CADPS2: variants seen among roughly 807,000 people sequenced by gnomAD.
The protein encoded by CADPS2 is calcium-dependent secretion activator 2.
In CADPS2, 93 loss-of-function variants were observed where a neutral mutation model predicts 172.5. The observed-to-expected ratio is 0.54, with a 90% CI of 0.46 to 0.64. The LOEUF (loss-of-function observed/expected upper bound fraction) is 0.64. Ranked by LOEUF, CADPS2 falls within the 30% of genes least tolerant of loss-of-function variation. The pLI, the probability that CADPS2 is intolerant of heterozygous loss-of-function variation, is 0.00. For missense variants in CADPS2, 1,420 were observed against 1,565.9 expected (o/e 0.91, Z 1.57); for synonymous variants, 546 against 555.2 (o/e 0.98, Z 0.23).
At chr7:122,328,486 G>A (rs1440083121) in intron 28 of CADPS2, 1 of 152,194 alleles carries the variant, frequency 6.6e-6, no homozygotes, top group Non-Finnish European at 1.5e-5. Flanking sequence ...GAAAAGGAAG[G>A]GGTGCCGCAG....
intron 15 of CADPS2, among the ~76,000 whole-genome samples, chr7:122,447,031 C>CTTTT (rs71530096): frequency 7.7e-5 from 6 of 78,348 alleles, no homozygotes; most frequent in Admixed American, 1.7e-4. Flanking sequence ...GTAGCTCCCT[C>CTTTT]TTTTTTTTTT....
intron 17 of CADPS2, among the ~76,000 whole-genome samples, chr7:122,418,845 A>T (rs1241583115): frequency 1.3e-5 from 2 of 152,198 alleles, no homozygotes; most frequent in South Asian, 2.1e-4. Context: ...ATTGCCACAT[A>T]AGTGTGATTT....
chr7:122,803,984 A>C (rs1396010049), intron 1 of CADPS2, among the ~76,000 whole-genome samples: 1 of 146,236 alleles, frequency 6.8e-6, no homozygotes, highest in Non-Finnish European at 1.5e-5. Flanking sequence ...GAAAAAAAAA[A>C]AAAAAAAAAA....
chr7:122,612,229 T>A (rs1587829568), intron 6 of CADPS2, among the ~76,000 whole-genome samples: 1 of 152,036 alleles, frequency 6.6e-6, no homozygotes, highest in Non-Finnish European at 1.5e-5. Context: ...ATAATGGAAA[T>A]CTAAATTAGA....
chr7:122,623,792 C>T (rs2075823147), intron 4 of CADPS2, among the ~76,000 whole-genome samples: 1 of 152,082 alleles, frequency 6.6e-6, no homozygotes, highest in Non-Finnish European at 1.5e-5. Flanking sequence ...AATTCTACCC[C>T]TAAAAAAGTA....
chr7:122,520,547 AAT>A (rs1303630458), intron 8 of CADPS2, among the ~76,000 whole-genome samples: 1 of 152,052 alleles, frequency 6.6e-6, no homozygotes, highest in Admixed American at 6.6e-5. Flanking sequence ...TTCATATCAC[AAT>A]ATGTTTGAAC....
intron 6 of CADPS2, among the ~76,000 whole-genome samples, chr7:122,591,435 T>C (rs55913030): frequency 0.36 from 53,997 of 151,768 alleles, 9,995 homozygotes; most frequent in Middle Eastern, 0.43. Flanking sequence ...AGATTCAATG[T>C]CATCCCCATC....
At chr7:122,528,493 T>C (rs984734030) in intron 8 of CADPS2, among the ~76,000 whole-genome samples, 7 of 152,162 alleles carry the variant, frequency 4.6e-5, no homozygotes, top group Non-Finnish European at 7.4e-5. Context: ...ATTATAACGT[T>C]CAGCTTCTCT....
intron 28 of CADPS2, among the ~76,000 whole-genome samples, chr7:122,343,963 A>T (rs1417755629): frequency 6.6e-6 from 1 of 152,144 alleles, no homozygotes; most frequent in Admixed American, 6.5e-5. Context: ...TTAGAAAATC[A>T]TTTTTTTCAC....
intron 20 of CADPS2, among the ~76,000 whole-genome samples, chr7:122,393,969 T>C (rs1258893779): frequency 6.6e-6 from 1 of 152,202 alleles, no homozygotes; most frequent in South Asian, 2.1e-4. Context: ...ATCTCTGTGC[T>C]ATGCTGTGTA....
At chr7:122,596,377 C>G (rs1391558437) in intron 6 of CADPS2, among the ~76,000 whole-genome samples, 2 of 152,046 alleles carry the variant, frequency 1.3e-5, no homozygotes, top group African/African-American at 4.8e-5. Flanking sequence ...AATAATGACA[C>G]TTTGTGTTAA....
At chr7:122,820,513 CCTTT>C (rs1802841554) in intron 1 of CADPS2, among the ~76,000 whole-genome samples, 1 of 146,192 alleles carries the variant, frequency 6.8e-6, no homozygotes, top group African/African-American at 2.6e-5. Context: ...CACCCTGTAG[CCTTT>C]CTGTCCAAAC....
At chr7:122,632,692 T>C (rs1264616240) in intron 3 of CADPS2, among the ~76,000 whole-genome samples, 3 of 152,214 alleles carry the variant, frequency 2.0e-5, no homozygotes, top group Non-Finnish European at 4.4e-5. Flanking sequence ...AGAATCTCTT[T>C]AGATTAATTA....
intron 1 of CADPS2, among the ~76,000 whole-genome samples, chr7:122,864,430 T>C (rs573465216): frequency 2.6e-5 from 4 of 151,482 alleles, no homozygotes; most frequent in Non-Finnish European, 4.4e-5. Context: ...CAGTAAGTCA[T>C]GAAATTGCCA....
chr7:122,842,958 A>C (rs972990620), intron 1 of CADPS2, among the ~76,000 whole-genome samples: 1 of 152,186 alleles, frequency 6.6e-6, no homozygotes, highest in Non-Finnish European at 1.5e-5. Flanking sequence ...ATACTAGGAA[A>C]ATGTTTTTAA....
chr7:122,790,026 G>T (rs1337597115), intron 1 of CADPS2, among the ~76,000 whole-genome samples: 8 of 141,096 alleles, frequency 5.7e-5, no homozygotes, highest in South Asian at 2.2e-4. Context: ...CAAATATTAA[G>T]TGTTTTTTTT....
chr7:122,860,273 G>A (rs927651810), intron 1 of CADPS2, among the ~76,000 whole-genome samples: 4 of 152,128 alleles, frequency 2.6e-5, no homozygotes, highest in Non-Finnish European at 4.4e-5. Context: ...CTGTTACCCA[G>A]GCTGGAGTGC....
intron 17 of CADPS2, among the ~76,000 whole-genome samples, chr7:122,420,080 G>C (rs2048366664): frequency 6.6e-6 from 1 of 152,100 alleles, no homozygotes; most frequent in Non-Finnish European, 1.5e-5. Flanking sequence ...TTTGTTGCTG[G>C]CTGAGATGAC....
intron 2 of CADPS2, among the ~76,000 whole-genome samples, chr7:122,675,853 G>A (rs992678719): frequency 2.0e-5 from 3 of 152,034 alleles, no homozygotes; most frequent in African/African-American, 7.2e-5. Flanking sequence ...GAGAGGATTA[G>A]GACAAACACC....
Sources: gnomAD v4.1 joint callset for allele counts (sites outside exome capture counted in the v4.1 genomes callset) on GRCh38, gnomAD v4.1.1 for gene constraint, MANE v1.5 for transcripts, NCBI Gene and HGNC (gene_info 2026-07-23, HGNC 2026-07-21) for gene names.